The following CAMTA1 variants were observed in gnomAD, a reference collection of about 807,000 sequenced individuals.
CAMTA1 encodes calmodulin-binding transcription activator 1.
In CAMTA1, 27 loss-of-function variants were observed where a neutral mutation model predicts 170.9. The ratio of observed to expected loss-of-function variants is 0.16; its 90% confidence interval spans 0.12 to 0.22. The LOEUF is 0.22. Among genes scored for constraint, CAMTA1 ranks in the 10% least tolerant of loss-of-function variants. The pLI is 1.00. For synonymous variants in CAMTA1, 833 were observed against 891.5 expected (o/e 0.93, Z 1.17); for missense variants, 1,619 against 2,217.2 (o/e 0.73, Z 5.42).
At chr1:6,952,058 A>C (rs1688576187) in intron 3 of CAMTA1, among the ~76,000 whole-genome samples, 1 of 152,052 alleles carries the variant, frequency 6.6e-6, no homozygotes, top group Admixed American at 6.5e-5. Context: ...TCTGCATCCC[A>C]CTGTGCCTTC....
intron 6 of CAMTA1, among the ~76,000 whole-genome samples, chr1:7,591,053 G>C (rs2095351708): frequency 6.6e-6 from 1 of 152,168 alleles, no homozygotes; most frequent in Non-Finnish European, 1.5e-5. Flanking sequence ...GTTCTCTGCG[G>C]TCTGCCATTT....
At chr1:7,276,193 A>T (rs868685751) in intron 5 of CAMTA1, among the ~76,000 whole-genome samples, 34 of 138,788 alleles carry the variant, frequency 2.4e-4, no homozygotes, top group African/African-American at 9.1e-4. Flanking sequence ...TTCATGATTA[A>T]AAAAAAAAAC....
At chr1:7,020,675 G>A (rs1269804207) in intron 3 of CAMTA1, among the ~76,000 whole-genome samples, 2 of 152,164 alleles carry the variant, frequency 1.3e-5, no homozygotes, top group African/African-American at 4.8e-5. Context: ...ATTCAGTGCT[G>A]GGGGCAGAGG....
chr1:7,593,556 C>T (rs1335413842), intron 6 of CAMTA1, among the ~76,000 whole-genome samples: 1 of 147,424 alleles, frequency 6.8e-6, no homozygotes, highest in African/African-American at 2.5e-5. Flanking sequence ...GTGGCGTGAT[C>T]TTGGCTCACT....
intron 11 of CAMTA1, among the ~76,000 whole-genome samples, chr1:7,726,947 C>T (rs990561959): frequency 5.9e-5 from 9 of 152,220 alleles, no homozygotes; most frequent in South Asian, 4.1e-4. Flanking sequence ...AATTTTCTCC[C>T]GATGGAGTAG....
chr1:7,683,286 G>C (rs1222919404), intron 11 of CAMTA1, among the ~76,000 whole-genome samples: 1 of 151,938 alleles, frequency 6.6e-6, no homozygotes, highest in Non-Finnish European at 1.5e-5. Context: ...TTATTTCCTT[G>C]CTAAATAATG....
chr1:7,351,379 C>T (rs1168036946), intron 5 of CAMTA1, among the ~76,000 whole-genome samples: 2 of 152,254 alleles, frequency 1.3e-5, no homozygotes, highest in Non-Finnish European at 2.9e-5. Context: ...TGAGCCGGCC[C>T]ACATGCAGAT....
rs1003884761 is a variant in CAMTA1, at chr1:7,146,052, G to C, written c.302+54681G>C. 3.9e-5 allele frequency among the ~76,000 whole-genome samples: 6 copies of C among 152,162 alleles called. No individual in the cohort carries two copies. Among genetic ancestry groups the C allele is most frequent in the African/African-American group, 1.4e-4 (6 of 41,422 alleles). On this transcript the variant is annotated intron_variant, in intron 4 of 22. Coordinates refer to ENST00000303635, the MANE Select transcript of CAMTA1 (RefSeq NM_015215.4). This position sits in a 1 kb window ranked among gnomAD's most constrained non-coding sequence, Gnocchi z 4.3. ...CTTCTATTTACTGAACACTTACTACGTGCGTGGCACTATGCCCAGTGCTTT... is the reference window on the plus strand; with the variant it reads ...CTTCTATTTACTGAACACTTACTACCTGCGTGGCACTATGCCCAGTGCTTT...
At chr1:7,373,829 T>G (rs1426991872) in intron 5 of CAMTA1, among the ~76,000 whole-genome samples, 1 of 152,208 alleles carries the variant, frequency 6.6e-6, no homozygotes, top group Non-Finnish European at 1.5e-5. Flanking sequence ...TTTGCACTGT[T>G]GATAAAAGGC....
At chr1:7,263,081 TG>T (rs1668405067) in intron 5 of CAMTA1, among the ~76,000 whole-genome samples, 1 of 151,960 alleles carries the variant, frequency 6.6e-6, no homozygotes, top group African/African-American at 2.4e-5. Flanking sequence ...CACGGTATTT[TG>T]GCCGCATTTT....
intron 3 of CAMTA1, among the ~76,000 whole-genome samples, chr1:6,938,130 A>G (rs1426893918): frequency 1.3e-5 from 2 of 152,258 alleles, no homozygotes; most frequent in Admixed American, 6.5e-5. Context: ...CTTTAAATAT[A>G]TACAGTACTG....
intron 3 of CAMTA1, among the ~76,000 whole-genome samples, chr1:6,913,283 G>A (rs1258610713): frequency 6.6e-6 from 1 of 152,136 alleles, no homozygotes; most frequent in Non-Finnish European, 1.5e-5. Context: ...CCCACCCTCC[G>A]CTTGCTCTGA....
At chr1:7,654,885 C>T (rs1273111913) in intron 7 of CAMTA1, among the ~76,000 whole-genome samples, 1 of 143,958 alleles carries the variant, frequency 6.9e-6, no homozygotes, top group African/African-American at 2.6e-5. Flanking sequence ...CACATCTATA[C>T]ACACAAATAC....
intron 6 of CAMTA1, among the ~76,000 whole-genome samples, chr1:7,491,552 C>A (rs902656135): frequency 6.6e-6 from 1 of 152,052 alleles, no homozygotes. Flanking sequence ...CCAATCTGGG[C>A]GGGGAAAAAG....
intron 6 of CAMTA1, among the ~76,000 whole-genome samples, chr1:7,617,350 C>G (rs554250625): frequency 6.6e-6 from 1 of 152,124 alleles, no homozygotes; most frequent in Non-Finnish European, 1.5e-5. Context: ...CAGCTGAGAC[C>G]GGAGGAGGAC....
At chr1:7,124,392 G>A (rs1644815441) in intron 4 of CAMTA1, among the ~76,000 whole-genome samples, 2 of 152,142 alleles carry the variant, frequency 1.3e-5, no homozygotes, top group African/African-American at 4.8e-5. Context: ...TCCCGCCTTC[G>A]AGGCCTGGAT....
intron 6 of CAMTA1, among the ~76,000 whole-genome samples, chr1:7,579,621 A>G (rs910903987): frequency 7.4e-6 from 1 of 135,614 alleles, no homozygotes. Context: ...GTGCAGTGGC[A>G]CAATCTCGGC....
intron 3 of CAMTA1, among the ~76,000 whole-genome samples, chr1:6,832,725 A>G (rs1391571539): frequency 6.6e-6 from 1 of 152,194 alleles, no homozygotes; most frequent in South Asian, 2.1e-4. Flanking sequence ...TGGCAGGGCT[A>G]GTGGTTTGAA....
chr1:7,498,734 CAG>C (rs1240167767), intron 6 of CAMTA1, among the ~76,000 whole-genome samples: 10 of 121,570 alleles, frequency 8.2e-5, no homozygotes, highest in East Asian at 2.5e-4. Flanking sequence ...AGTGCATGTG[CAG>C]AGAGGATGAG....
Sources: gnomAD v4.1 joint callset for allele counts (sites outside exome capture counted in the v4.1 genomes callset) on GRCh38, gnomAD v4.1.1 for gene constraint, Gnocchi (gnomAD v3.1) non-coding constraint, MANE v1.5 for transcripts, NCBI Gene and HGNC (gene_info 2026-07-23, HGNC 2026-07-21) for gene names.